The following ARMC9 variants were observed in gnomAD, a reference collection of about 807,000 sequenced individuals.
ARMC9 encodes armadillo repeat containing 9.
ARMC9 carries 94 observed loss-of-function variants against 107.0 expected under a neutral mutation model. That is an observed-to-expected ratio of 0.88 (90% CI 0.74 to 1.04). The LOEUF is 1.04. ARMC9 is among the 50% of genes least tolerant of loss of function. The pLI is 0.00. For synonymous variants in ARMC9, 380 were observed against 396.9 expected, an observed-to-expected ratio of 0.96 and a Z score of 0.51; for missense variants, 942 against 1,030.1, an observed-to-expected ratio of 0.91 and a Z score of 1.17.
At chr2:231,220,142 C>T (rs1326769770) in intron 5 of ARMC9, among the ~76,000 whole-genome samples, 1 of 152,184 alleles carries the variant, frequency 6.6e-6, no homozygotes, top group Non-Finnish European at 1.5e-5. Flanking sequence ...TTCACAAACT[C>T]ACCCTCCAGC....
Position 231,242,032 on chromosome 2 carries a change from C to T in ARMC9, c.879+1991C>T, listed in dbSNP as rs2036347065. 2.0e-5 allele frequency among the ~76,000 whole-genome samples: 3 copies of T among 152,168 alleles called. No homozygotes were observed. The South Asian group carries it at 6.2e-4, about 32-fold the overall frequency. On this transcript the variant is annotated intron_variant, in intron 9 of 24. Transcript: ENST00000611582. ...GGAACCATGACAATAAAACAAACAC[C>T]CACAAGTCCGCCACATGTGGCTGAA...
Position 231,255,865 on chromosome 2 carries a change from G to A in ARMC9, c.880-721G>A, listed in dbSNP as rs995569881. ...ATCCTGGCTAACACGGTGAAACCCCGTTTCTACTAAAAATACTAAACAAAA... is the reference window on the plus strand; with the variant it reads ...ATCCTGGCTAACACGGTGAAACCCCATTTCTACTAAAAATACTAAACAAAA... On this transcript the variant is annotated intron_variant, in intron 9 of 24. Coordinates refer to ENST00000611582, the MANE Select transcript of ARMC9 (RefSeq NM_001352754.2). The surrounding 1 kb of genome is among the most constrained non-coding windows in gnomAD (Gnocchi z 4.7). Among the ~76,000 whole-genome samples the A allele has an allele frequency of 3.3e-5, 5 of 152,088 alleles. No individual in the cohort carries two copies. Among genetic ancestry groups the A allele is most frequent in the African/African-American group, 1.2e-4 (5 of 41,402 alleles).
chr2:231,371,832 C>A lies in ARMC9; in HGVS notation c.*297C>A, dbSNP rs2046030938. The A allele has an allele frequency of 8.9e-6, 3 of 338,276 alleles. No homozygotes were observed. The highest frequency in any genetic ancestry group is 1.1e-5 in the Non-Finnish European group (2 of 187,850). 21.0% of individuals were successfully genotyped at this position (338,276 alleles called of 1,614,324 possible). On this transcript the variant is annotated 3_prime_UTR_variant, in exon 25 of 25. Transcript: ENST00000611582. ...ACACAGAGGAGAGGGGTGGCTTTTG[C>A]CCGCAGGAGATCTTCTGGCCCCAGA...
At chr2:231,262,157 C>T (rs1009326404) in intron 11 of ARMC9, 149 bp from the exon 12 acceptor site, 43 of 732,782 alleles carry the variant, frequency 5.9e-5, no homozygotes, top group Non-Finnish European at 9.4e-5. Flanking sequence ...GGCTGGTTAA[C>T]TTGCCACCAC....
At chr2:231,262,967 A>C (rs1339758787) in intron 12 of ARMC9, among the ~76,000 whole-genome samples, 2 of 148,370 alleles carry the variant, frequency 1.3e-5, no homozygotes, top group Non-Finnish European at 3.0e-5. Flanking sequence ...GGTCGTTGGG[A>C]TGATTACATA....
At chr2:231,357,583 A>T (rs1355931848) in intron 22 of ARMC9, among the ~76,000 whole-genome samples, 1 of 117,474 alleles carries the variant, frequency 8.5e-6, no homozygotes, top group East Asian at 1.9e-4. Context: ...ATTTTACTTT[A>T]TTTTATTTTA....
At chr2:231,309,517 TAC>T in intron 19 of ARMC9, among the ~76,000 whole-genome samples, 1 of 152,306 alleles carries the variant, frequency 6.6e-6, no homozygotes, top group East Asian at 1.9e-4. Context: ...AATAAATAAA[TAC>T]GTTTCTATCC....
intron 20 of ARMC9, among the ~76,000 whole-genome samples, chr2:231,342,708 T>A (rs1310299455): frequency 6.6e-6 from 1 of 152,120 alleles, no homozygotes; most frequent in Non-Finnish European, 1.5e-5. Context: ...GACAGCAGTG[T>A]TAAGTGGTTG....
chr2:231,247,033 G>A (rs2036835416), intron 9 of ARMC9, among the ~76,000 whole-genome samples: 1 of 151,486 alleles, frequency 6.6e-6, no homozygotes, highest in Non-Finnish European at 1.5e-5. Flanking sequence ...TTGGCTCACT[G>A]CCAGCTCCGC....
chr2:231,277,214 G>A (rs2039837228), intron 15 of ARMC9, among the ~76,000 whole-genome samples: 1 of 152,164 alleles, frequency 6.6e-6, no homozygotes, highest in Admixed American at 6.5e-5. Context: ...AGGTTCTCCT[G>A]TGGGCACAAG....
rs533350253 is a variant in ARMC9, at chr2:231,240,047, G to A, written c.879+6G>A. 5.6e-6 allele frequency: 9 copies of A among 1,610,582 alleles called. No homozygotes were observed. The South Asian group carries it at 7.7e-5, about 14-fold the overall frequency. On this transcript the variant is annotated splice_donor_region_variant and intron_variant, in intron 9 of 24. Coordinates refer to ENST00000611582, the MANE Select transcript of ARMC9 (RefSeq NM_001352754.2). Reference sequence around the variant, plus strand: ...ACTTCACGAGGCCTGGGACGGTGAGGCTCTGCGCTCAGGGCAGGGTGCCCG... The same window carrying A: ...ACTTCACGAGGCCTGGGACGGTGAGACTCTGCGCTCAGGGCAGGGTGCCCG...
chr2:231,222,649 A>G, intron 5 of ARMC9, 79 bp from the exon 6 acceptor site: 1 of 777,408 alleles, frequency 1.3e-6, no homozygotes, highest in Non-Finnish European at 2.1e-6. Context: ...AGGGTTTTTT[A>G]GCCTAATGAC....
chr2:231,290,118 C>G (rs373825793), intron 17 of ARMC9, among the ~76,000 whole-genome samples: 5 of 152,284 alleles, frequency 3.3e-5, no homozygotes, highest in African/African-American at 1.2e-4. Context: ...CAGTTATACA[C>G]TTTGTCTTTT....
chr2:231,311,852 G>C (rs1054539836), intron 19 of ARMC9, among the ~76,000 whole-genome samples: 2 of 150,986 alleles, frequency 1.3e-5, no homozygotes, highest in Non-Finnish European at 2.9e-5. Flanking sequence ...CATCCCTTCA[G>C]AGGAATGTAA....
At chr2:231,277,875 T>C (rs2039898785) in intron 15 of ARMC9, among the ~76,000 whole-genome samples, 1 of 152,194 alleles carries the variant, frequency 6.6e-6, no homozygotes, top group Admixed American at 6.5e-5. Context: ...AAGTCCTAAC[T>C]TCTAATATGT....
chr2:231,274,884 G>A (rs560541164), intron 14 of ARMC9, among the ~76,000 whole-genome samples: 1 of 152,304 alleles, frequency 6.6e-6, no homozygotes, highest in South Asian at 2.1e-4. Flanking sequence ...AGAACTGTAA[G>A]TGCTGCAGAG....
chr2:231,317,160 T>C (rs1265708523), intron 19 of ARMC9, among the ~76,000 whole-genome samples: 1 of 152,160 alleles, frequency 6.6e-6, no homozygotes, highest in Non-Finnish European at 1.5e-5. Context: ...GTTAATCTTT[T>C]TTAGGGTTCA....
intron 7 of ARMC9, among the ~76,000 whole-genome samples, chr2:231,228,786 C>T (rs1214937791): frequency 2.0e-5 from 3 of 152,108 alleles, no homozygotes; most frequent in Non-Finnish European, 4.4e-5. Context: ...TGCCAGGTCG[C>T]TGTTCTGAAC....
At position 231,216,794 on chromosome 2, in the gene ARMC9, G is replaced by A. The variant is rs1313284815; in HGVS notation, c.504+1G>A. The A allele has an allele frequency of 1.2e-6, 2 of 1,610,608 alleles. No homozygotes were observed. Among genetic ancestry groups the A allele is most frequent in the Admixed American group, 1.7e-5 (1 of 59,214 alleles). Reference sequence around the variant, plus strand: ...CCCCTCATTTAAAGAACTCTTCCAGGTAAATGTCAGCTTTTAACTCTTGTG... The same window carrying A: ...CCCCTCATTTAAAGAACTCTTCCAGATAAATGTCAGCTTTTAACTCTTGTG... On this transcript the variant is annotated splice_donor_variant, in intron 5 of 24. Transcript: ENST00000611582. LOFTEE classifies it high-confidence loss of function.
Sources: gnomAD v4.1 joint callset for allele counts (sites outside exome capture counted in the v4.1 genomes callset) on GRCh38, gnomAD v4.1.1 for gene constraint, Gnocchi (gnomAD v3.1) non-coding constraint, MANE v1.5 for transcripts, NCBI Gene and HGNC (gene_info 2026-07-23, HGNC 2026-07-21) for gene names.